Variants in SHROOM4 observed in about 807,000 individuals in gnomAD.
SHROOM4 encodes the protein protein Shroom4.
SHROOM4 carries 17 observed loss-of-function variants against 80.3 expected under a neutral mutation model. That is an observed-to-expected ratio of 0.21 (90% CI 0.14 to 0.32). The LOEUF (loss-of-function observed/expected upper bound fraction) is 0.32. SHROOM4 is among the 10% of genes least tolerant of loss of function. SHROOM4 has a pLI of 1.00. For missense variants in SHROOM4, 993 were observed against 1,140.3 expected, an observed-to-expected ratio of 0.87 and a Z score of 1.86; for synonymous variants, 400 against 437.5, an observed-to-expected ratio of 0.91 and a Z score of 1.07.
chrX:50,667,367 TTAAA>T (rs1389533956), intron 2 of SHROOM4, among the ~76,000 whole-genome samples: 1 of 111,730 alleles, frequency 9.0e-6, no homozygotes, highest in Non-Finnish European at 1.9e-5. Context: ...ATATTGGGTT[TTAAA>T]TAAATATATT....
chrX:50,683,277 T>C (rs1482368962), intron 2 of SHROOM4, among the ~76,000 whole-genome samples: 1 of 111,807 alleles, frequency 8.9e-6, no homozygotes, highest in Admixed American at 9.5e-5. Flanking sequence ...TAACATAAAG[T>C]GCAGGCTTGT....
At chrX:50,617,111 G>A (rs1557250896) in intron 5 of SHROOM4, among the ~76,000 whole-genome samples, 4 of 111,822 alleles carry the variant, frequency 3.6e-5, no homozygotes, top group Non-Finnish European at 7.5e-5. Flanking sequence ...ACACAGTGTT[G>A]GAAAGACTTG....
At chrX:50,716,702 C>T in intron 1 of SHROOM4, among the ~76,000 whole-genome samples, 1 of 111,934 alleles carries the variant, frequency 8.9e-6, no homozygotes, top group Non-Finnish European at 1.9e-5. Flanking sequence ...TACTTTGAAT[C>T]TACCCTATTG....
rs782446007 is a variant in SHROOM4 at position 50,598,290 on chromosome X, G to A, written c.4188C>T (p.Ile1396=). The change falls in exon 8 of 9, where the codon ATC becomes ATT. Residue 1396 remains isoleucine (I), a synonymous_variant. Transcript: ENST00000376020. ...LARVENALNS[I]DSEANQEKLV... The stretch of plus-strand genomic sequence containing the variant: ...CCTTCTCCTGGTTGGCCTCTGAATC[G>A]ATGCTGTTCAGAGCATTCTCCACCC... 21 of 1,209,267 alleles carry A rather than the reference G, an allele frequency of 1.7e-5. No homozygotes were observed. Among genetic ancestry groups the A allele is most frequent in the African/African-American group, 5.3e-5 (3 of 56,927 alleles).
At chrX:50,795,704 C>T (rs1395183861) in intron 1 of SHROOM4, among the ~76,000 whole-genome samples, 1 of 111,789 alleles carries the variant, frequency 8.9e-6, no homozygotes, top group Non-Finnish European at 1.9e-5. Context: ...CTGTGTATGG[C>T]AGTGATTATG....
In SHROOM4 at chrX:50,708,869, G is replaced by A. The variant is rs73483722; in HGVS notation, c.118-12932C>T. Among the ~76,000 whole-genome samples, 1,004 of 111,966 alleles carry A rather than the reference G, an allele frequency of 9.0e-3. 7 individuals are homozygous for A. The highest frequency in any genetic ancestry group is 0.031 in the African/African-American group (947 of 30,805). ...CAGCTGTTCTCAATTTTGATTGAAA[G>A]CAGAGCAAAGGAAAAGAAACTGACA... is the stretch of plus-strand genomic sequence containing the variant. On this transcript the variant is annotated intron_variant, in intron 1 of 8. Transcript: ENST00000376020.
rs1557256534 is a variant in SHROOM4 at position 50,638,281 on chromosome X, GT to G, written c.296del (p.His99ProfsTer150). 1 of 1,211,961 alleles carries G rather than the reference GT, an allele frequency of 8.3e-7. No individual in the cohort carries two copies. Among genetic ancestry groups the G allele is most frequent in the Non-Finnish European group, 1.1e-6 (1 of 895,500 alleles). ...CCAGCAGCTTGGCCACATGCCATGA[GT>G]GCGGCCTACTGACAGGGGCGTTCCT... Reference protein sequence around the residue: ...RRRNAPVSRPHSWHVAKLLEG... With the variant: ...RRRNAPVSRPXSWHVAKLLEG... On this transcript the variant is annotated frameshift_variant, in exon 3 of 9. Coordinates refer to ENST00000376020, the MANE Select transcript of SHROOM4 (RefSeq NM_020717.5). LOFTEE classifies it high-confidence loss of function.
At chrX:50,736,452 C>T (rs998092649) in intron 1 of SHROOM4, among the ~76,000 whole-genome samples, 12 of 111,022 alleles carry the variant, frequency 1.1e-4, no homozygotes. Flanking sequence ...TGTTCTCCTC[C>T]CTGTGTCCAT....
At chrX:50,657,814 T>C (rs1049551187) in intron 2 of SHROOM4, among the ~76,000 whole-genome samples, 2 of 111,911 alleles carry the variant, frequency 1.8e-5, no homozygotes, top group African/African-American at 3.2e-5. Flanking sequence ...AAATCAACTT[T>C]TACAAAACCA....
At chrX:50,740,348 G>C (rs1934623885) in intron 1 of SHROOM4, among the ~76,000 whole-genome samples, 1 of 111,489 alleles carries the variant, frequency 9.0e-6, no homozygotes, top group Admixed American at 9.5e-5. Context: ...ACTGTTATGA[G>C]AGATAAATAA....
chrX:50,634,295 C>A lies in SHROOM4; in HGVS notation c.1778G>T (p.Arg593Leu). ...RKSERFATNLRNEIQRRKAQL... is the reference protein window; with the variant it reads ...RKSERFATNLLNEIQRRKAQL... ...GGCCTTCCTCCTCTGAATTTCATTACGCAGATTGGTAGCAAAACGCTCACT... is the reference window on the plus strand; with the variant it reads ...GGCCTTCCTCCTCTGAATTTCATTAAGCAGATTGGTAGCAAAACGCTCACT... The change falls in exon 4 of 9, where the codon CGT becomes CTT. Residue 593 changes from arginine (R) to leucine (L), a missense_variant. By Grantham distance (102) the Arg-to-Leu change is moderately radical. Transcript: ENST00000376020. The A allele has an allele frequency of 8.3e-7, 1 of 1,211,239 alleles. No individual in the cohort carries two copies. Among genetic ancestry groups the A allele is most frequent in the African/African-American group, 1.7e-5 (1 of 57,606 alleles).
chrX:50,602,128 G>A (rs1557247753), intron 7 of SHROOM4, among the ~76,000 whole-genome samples: 1 of 102,529 alleles, frequency 9.8e-6, no homozygotes, highest in Non-Finnish European at 2.0e-5. Context: ...TTCACTCTTG[G>A]TTGCCCAGGC....
chrX:50,609,665 A>ATGTGTG (rs3078713), intron 5 of SHROOM4, among the ~76,000 whole-genome samples: 1,941 of 88,239 alleles, frequency 0.022, 65 homozygotes, highest in African/African-American at 0.075. Context: ...AGTCATGGAT[A>ATGTGTG]TGTGTGTGTG....
chrX:50,717,921 C>T (rs1218930713), intron 1 of SHROOM4, among the ~76,000 whole-genome samples: 2 of 112,021 alleles, frequency 1.8e-5, no homozygotes, highest in Non-Finnish European at 3.8e-5. Context: ...TTGCTCTTTC[C>T]CTCCCTTCCA....
intron 1 of SHROOM4, among the ~76,000 whole-genome samples, chrX:50,728,504 G>A (rs1934291779): frequency 8.9e-6 from 1 of 112,529 alleles, no homozygotes; most frequent in African/African-American, 3.2e-5. Flanking sequence ...AGACTTGAAA[G>A]TATTCTCCAA....
chrX:50,724,948 C>A (rs1301785254), intron 1 of SHROOM4, among the ~76,000 whole-genome samples: 1 of 111,935 alleles, frequency 8.9e-6, no homozygotes, highest in Non-Finnish European at 1.9e-5. Flanking sequence ...TGGATCCTCT[C>A]CCATTTAAAG....
At chrX:50,680,527 T>C (rs982278173) in intron 2 of SHROOM4, among the ~76,000 whole-genome samples, 3 of 111,377 alleles carry the variant, frequency 2.7e-5, no homozygotes, top group Non-Finnish European at 5.7e-5. Context: ...TTAATATGCA[T>C]GTATGTATTT....
chrX:50,753,062 G>A (rs1181380018), intron 1 of SHROOM4, among the ~76,000 whole-genome samples: 1 of 111,931 alleles, frequency 8.9e-6, no homozygotes, highest in Non-Finnish European at 1.9e-5. Flanking sequence ...ACAGGGAAAC[G>A]AGAAATAATT....
chrX:50,743,649 G>T (rs2147581797), intron 1 of SHROOM4, among the ~76,000 whole-genome samples: 1 of 109,785 alleles, frequency 9.1e-6, no homozygotes, highest in South Asian at 4.0e-4. Context: ...GTAGAGATGG[G>T]GCCCACTATG....
Sources: gnomAD v4.1 joint callset for allele counts (sites outside exome capture counted in the v4.1 genomes callset) on GRCh38, gnomAD v4.1.1 for gene constraint, MANE v1.5 for transcripts, NCBI Gene and HGNC (gene_info 2026-07-23, HGNC 2026-07-21) for gene names.